MAGT1: variants seen among roughly 807,000 people sequenced by gnomAD.
MAGT1 encodes the protein magnesium transporter 1, also known as dolichyl-diphosphooligosaccharide--protein glycosyltransferase subunit MAGT1.
Under a neutral mutation model 28.4 loss-of-function variants are expected in MAGT1, and 4 were observed. The ratio of observed to expected loss-of-function variants is 0.14; its 90% CI spans 0.07 to 0.32. The LOEUF (loss-of-function observed/expected upper bound fraction) is 0.32. MAGT1 is among the 10% of genes least tolerant of loss of function. The pLI is 1.00. For missense variants in MAGT1, 193 were observed against 264.5 expected (o/e 0.73, Z 1.88); for synonymous variants, 89 against 89.7 (o/e 0.99, Z 0.04).
chrX:77,876,812 G>A (rs1557217889), intron 1 of MAGT1, among the ~76,000 whole-genome samples: 2 of 110,067 alleles, frequency 1.8e-5, no homozygotes, highest in East Asian at 2.9e-4. Flanking sequence ...TTGGGAGTTC[G>A]AAACCAGCCT....
At chrX:77,882,580 A>G (rs1262093671) in intron 1 of MAGT1, among the ~76,000 whole-genome samples, 2 of 111,608 alleles carry the variant, frequency 1.8e-5, no homozygotes, top group South Asian at 3.7e-4. Context: ...AATCATGCCA[A>G]CAAAAGAAAT....
rs188933410 is a variant in MAGT1, at chrX:77,858,481, G to A, written c.391-984C>T. ...GCTGGGTTTACAGGCGTGAGCCACC[G>A]TGCCTGGCCTTACAATTATAATTTT... On this transcript the variant is annotated intron_variant, in intron 3 of 9. Transcript: ENST00000618282. Among the ~76,000 whole-genome samples the A allele has an allele frequency of 1.1e-4, 12 of 111,632 alleles. No individual in the cohort carries two copies. In the East Asian group the frequency reaches 3.4e-3, roughly 31 times the overall value.
intron 1 of MAGT1, among the ~76,000 whole-genome samples, chrX:77,877,631 G>A (rs1237672626): frequency 9.2e-6 from 1 of 108,972 alleles, no homozygotes; most frequent in Non-Finnish European, 1.9e-5. Context: ...TGGCCAACAT[G>A]GTGAAACCCT....
intron 7 of MAGT1, among the ~76,000 whole-genome samples, chrX:77,847,772 T>C (rs1214162491): frequency 9.1e-6 from 1 of 109,953 alleles, no homozygotes; most frequent in Non-Finnish European, 1.9e-5. Context: ...CCACCACGCC[T>C]GGCTAATTTT....
intron 1 of MAGT1, among the ~76,000 whole-genome samples, chrX:77,880,567 G>A (rs1252146702): frequency 1.8e-5 from 2 of 109,984 alleles, no homozygotes; most frequent in South Asian, 3.8e-4. Context: ...TAGCAAATAC[G>A]AAAAAATTCT....
Position 77,855,509 on chromosome X carries a change from C to T in MAGT1, c.754G>A (p.Gly252Arg). The change falls in exon 6 of 10, where the codon GGA becomes AGA. Residue 252 changes from glycine to arginine, a missense_variant. Gly to Arg is a moderately radical substitution (Grantham distance 125). Coordinates refer to ENST00000618282, the MANE Select transcript of MAGT1 (RefSeq NM_001367916.1). ...PPYAHKNPHT[G>R]HVNYIHGSSQ... ...TCCCAGACTTCCCTTACCACATGTC[C>T]CGTGTGGGGATTCTTATGGGCATAT... 1 of 1,197,514 alleles carries T rather than the reference C, an allele frequency of 8.4e-7. No homozygotes were observed. Among genetic ancestry groups the T allele is most frequent in the Non-Finnish European group, 1.1e-6 (1 of 883,150 alleles).
chrX:77,837,862 A>G (rs2076923885), intron 8 of MAGT1, among the ~76,000 whole-genome samples: 1 of 109,679 alleles, frequency 9.1e-6, no homozygotes, highest in African/African-American at 3.3e-5. Flanking sequence ...CATGCCTCAA[A>G]CTCCCAAGTA....
chrX:77,887,059 T>C (rs570007138), intron 1 of MAGT1, among the ~76,000 whole-genome samples: 2 of 111,763 alleles, frequency 1.8e-5, no homozygotes, highest in Admixed American at 9.6e-5. Flanking sequence ...CTTTAGTTAA[T>C]AGATTTATAA....
intron 3 of MAGT1, among the ~76,000 whole-genome samples, chrX:77,869,037 T>A (rs1366713492): frequency 9.0e-6 from 1 of 111,572 alleles, no homozygotes; most frequent in Non-Finnish European, 1.9e-5. Flanking sequence ...TTGTAAAAAC[T>A]CTTTTTTTGA....
At chrX:77,850,048 TTAAAC>T (rs1477374776) in intron 7 of MAGT1, among the ~76,000 whole-genome samples, 2 of 111,934 alleles carry the variant, frequency 1.8e-5, no homozygotes, top group African/African-American at 3.2e-5. Flanking sequence ...AAACTGTACA[TTAAAC>T]TAATAATAAA....
At chrX:77,879,496 A>G (rs1308988513) in intron 1 of MAGT1, among the ~76,000 whole-genome samples, 1 of 112,198 alleles carries the variant, frequency 8.9e-6, no homozygotes, top group Admixed American at 9.5e-5. Context: ...AAAGCTGGGA[A>G]ATCATGCAGT....
chrX:77,851,976 G>A (rs1312129399), intron 7 of MAGT1, among the ~76,000 whole-genome samples: 1 of 108,138 alleles, frequency 9.2e-6, no homozygotes, highest in African/African-American at 3.4e-5. Flanking sequence ...TCTGCTCACT[G>A]CAACCCCTGC....
intron 7 of MAGT1, among the ~76,000 whole-genome samples, chrX:77,851,003 C>G (rs1256662430): frequency 2.9e-5 from 3 of 105,239 alleles, no homozygotes; most frequent in African/African-American, 1.0e-4. Context: ...GACAGAGTCT[C>G]GCTCTGTTGC....
intron 3 of MAGT1, among the ~76,000 whole-genome samples, chrX:77,863,199 A>C (rs950746344): frequency 4.6e-5 from 5 of 109,597 alleles, no homozygotes; most frequent in Admixed American, 9.9e-5. Context: ...TGGGAAATTA[A>C]ATTAGTATAG....
chrX:77,876,988 G>A (rs781821622), intron 1 of MAGT1, among the ~76,000 whole-genome samples: 39 of 96,390 alleles, frequency 4.0e-4, no homozygotes, highest in African/African-American at 1.4e-3. Context: ...ACTCCAGCCT[G>A]GGCAACAGGA....
chrX:77,856,705 A>C, intron 5 of MAGT1, 28 bp downstream of exon 5: 1 of 1,196,730 alleles, frequency 8.4e-7, no homozygotes, highest in South Asian at 1.8e-5. Context: ...TTATTCAAAT[A>C]ATTTTTTGTC....
At position 77,864,661 on chromosome X, in the gene MAGT1, T is replaced by A. The variant is rs1603362549; in HGVS notation, c.390+6147A>T. ...TGTTAAAATAAATGGAATTAAAAAT[T>A]GTAATTTCCAAAAATAACTGCAGCC... On this transcript the variant is annotated intron_variant, in intron 3 of 9. Transcript: ENST00000618282. Among the ~76,000 whole-genome samples, 3 of 111,276 alleles carry A rather than the reference T, an allele frequency of 2.7e-5. No homozygotes were observed. The East Asian group carries it at 8.4e-4, about 31-fold the overall frequency.
At chrX:77,845,842 C>T (rs1341718311) in intron 7 of MAGT1, among the ~76,000 whole-genome samples, 6 of 111,430 alleles carry the variant, frequency 5.4e-5, no homozygotes, top group Admixed American at 1.9e-4. Context: ...GTGGGTAACC[C>T]GGCCTTTCTC....
chrX:77,832,532 TAAG>T (rs1334037834), intron 8 of MAGT1, among the ~76,000 whole-genome samples: 3 of 111,420 alleles, frequency 2.7e-5, no homozygotes, highest in Non-Finnish European at 5.7e-5. Context: ...TAGTGACTGA[TAAG>T]AAAATCAATT....
Sources: gnomAD v4.1 joint callset for allele counts (sites outside exome capture counted in the v4.1 genomes callset) on GRCh38, gnomAD v4.1.1 for gene constraint, MANE v1.5 for transcripts, NCBI Gene and HGNC (gene_info 2026-07-23, HGNC 2026-07-21) for gene names.